GSTCD: variants seen among roughly 807,000 people sequenced by gnomAD.
The protein encoded by GSTCD is glutathione S-transferase C-terminal domain containing.
Under a neutral mutation model 68.3 loss-of-function variants are expected in GSTCD, and 44 were observed. The ratio of observed to expected loss-of-function variants is 0.64; its 90% CI spans 0.51 to 0.83. GSTCD has a LOEUF of 0.83. GSTCD is among the 40% of genes least tolerant of loss of function. The pLI is 0.00. For missense variants in GSTCD, 739 were observed against 735.9 expected, an observed-to-expected ratio of 1.00 and a Z score of -0.05; for synonymous variants, 273 against 255.2, an observed-to-expected ratio of 1.07 and a Z score of -0.67.
At chr4:105,816,682 C>T (rs575789432) in intron 5 of GSTCD, among the ~76,000 whole-genome samples, 112 of 152,038 alleles carry the variant, frequency 7.4e-4, no homozygotes, top group South Asian at 4.2e-3. Context: ...TTTCCTTGAA[C>T]GCACGCATAT....
chr4:105,806,915 G>T (rs1722524945), intron 5 of GSTCD, among the ~76,000 whole-genome samples: 1 of 151,918 alleles, frequency 6.6e-6, no homozygotes, highest in African/African-American at 2.4e-5. Flanking sequence ...TTTCTTATCA[G>T]TTATGCCAAT....
chr4:105,844,313 G>A (rs1042775678), intron 11 of GSTCD, among the ~76,000 whole-genome samples: 1 of 152,146 alleles, frequency 6.6e-6, no homozygotes, highest in African/African-American at 2.4e-5. Flanking sequence ...TAATGAAGAA[G>A]GGATGATTTT....
chr4:105,753,001 A>G (rs1734057912), intron 5 of GSTCD, among the ~76,000 whole-genome samples: 2 of 152,062 alleles, frequency 1.3e-5, no homozygotes, highest in Non-Finnish European at 2.9e-5. Context: ...CAGTTCCACT[A>G]TATTTCTAGC....
intron 5 of GSTCD, among the ~76,000 whole-genome samples, chr4:105,779,165 A>G (rs1025068470): frequency 3.3e-4 from 50 of 152,286 alleles, no homozygotes; most frequent in African/African-American, 1.2e-3. Context: ...TTTTACATGT[A>G]GTTGTCACAT....
chr4:105,832,092 A>G (rs910868149), intron 8 of GSTCD, among the ~76,000 whole-genome samples: 4 of 152,184 alleles, frequency 2.6e-5, no homozygotes, highest in Non-Finnish European at 5.9e-5. Context: ...TAAATCTCTA[A>G]TGCATTCAAA....
At chr4:105,741,578 C>T (rs764212881) in intron 5 of GSTCD, among the ~76,000 whole-genome samples, 16 of 152,062 alleles carry the variant, frequency 1.1e-4, no homozygotes, top group Non-Finnish European at 2.1e-4. Flanking sequence ...CATAATTCAT[C>T]GACTTGGAGA....
intron 5 of GSTCD, among the ~76,000 whole-genome samples, chr4:105,743,051 G>A (rs977724821): frequency 6.6e-5 from 10 of 151,136 alleles, no homozygotes; most frequent in Admixed American, 1.3e-4. Flanking sequence ...CCGGTTTGAC[G>A]CCATTCTCCT....
chr4:105,839,883 A>G (rs967342266), intron 10 of GSTCD, among the ~76,000 whole-genome samples: 4 of 152,192 alleles, frequency 2.6e-5, no homozygotes, highest in African/African-American at 9.6e-5. Context: ...CAGTAGGGAC[A>G]GGGCACACAG....
rs191238841 is a variant in GSTCD at position 105,833,388 on chromosome 4, G to A, written c.1531-1073G>A. On this transcript the variant is annotated intron_variant, in intron 8 of 11. Transcript: ENST00000515279. The stretch of plus-strand genomic sequence containing the variant: ...TGAGGCAGAAGAATTGCTTGAACCC[G>A]GGAGGCGGAGGTTGCAGTGAGCCGA... 4.2e-3 allele frequency among the ~76,000 whole-genome samples: 644 copies of A among 152,100 alleles called. 7 individuals are homozygous for A. The highest frequency in any genetic ancestry group is 0.015 in the African/African-American group (604 of 41,490).
intron 9 of GSTCD, among the ~76,000 whole-genome samples, chr4:105,835,635 T>A (rs1333536491): frequency 1.3e-5 from 2 of 152,016 alleles, no homozygotes; most frequent in Non-Finnish European, 2.9e-5. Flanking sequence ...TCTTCTCTCC[T>A]TCTCTCTTCT....
rs745723934 is a variant in GSTCD, at chr4:105,719,511, G to A, written c.878G>A (p.Cys293Tyr). ...CTGGCAGATATTGTGCTCTTGCCCT[G>A]TATCCATCATTTCTTGGTAAGGTTT... The part of the protein sequence containing the change: ...FTLADIVLLP[C>Y]IHHFLVIISR... Residue 293 changes from cysteine (C) to tyrosine (Y), a missense_variant, in exon 3 of 12, where the codon TGT (cysteine) becomes TAT (tyrosine). Transcript: ENST00000515279. The A allele has an allele frequency of 1.2e-6, 2 of 1,613,044 alleles. No individual in the cohort carries two copies. The highest frequency in any genetic ancestry group is 2.2e-5 in the East Asian group (1 of 44,880).
chr4:105,728,285 T>C (rs1351302093), intron 4 of GSTCD, among the ~76,000 whole-genome samples: 1 of 152,168 alleles, frequency 6.6e-6, no homozygotes, highest in Non-Finnish European at 1.5e-5. Context: ...ATAAATTATA[T>C]GGTATTAATA....
At chr4:105,721,152 T>A (rs182836379) in intron 3 of GSTCD, among the ~76,000 whole-genome samples, 1 of 151,982 alleles carries the variant, frequency 6.6e-6, no homozygotes, top group East Asian at 1.9e-4. Flanking sequence ...TTGTATTTTT[T>A]AAGTAGAGAT....
intron 5 of GSTCD, among the ~76,000 whole-genome samples, chr4:105,738,017 A>G (rs933746987): frequency 6.6e-6 from 1 of 152,164 alleles, no homozygotes; most frequent in East Asian, 1.9e-4. Flanking sequence ...CCCCCTTGCT[A>G]TGTGATGCCT....
At chr4:105,728,451 G>A (rs1733112555) in intron 4 of GSTCD, among the ~76,000 whole-genome samples, 1 of 152,104 alleles carries the variant, frequency 6.6e-6, no homozygotes. Flanking sequence ...TGTCTTTCTG[G>A]AGGCAAATCA....
intron 5 of GSTCD, among the ~76,000 whole-genome samples, chr4:105,809,841 T>A (rs1334015459): frequency 2.0e-5 from 3 of 152,034 alleles, no homozygotes; most frequent in Admixed American, 6.6e-5. Flanking sequence ...TGTCTCAAAG[T>A]ATACTGCAGT....
At chr4:105,780,009 G>T (rs1469426185) in intron 5 of GSTCD, among the ~76,000 whole-genome samples, 8 of 152,166 alleles carry the variant, frequency 5.3e-5, no homozygotes, top group African/African-American at 1.9e-4. Flanking sequence ...ACTACTGCCT[G>T]ATTACAAATC....
rs139174207 is a variant in GSTCD, at chr4:105,831,268, G to T, written c.1531-3193G>T. On this transcript the variant is annotated intron_variant, in intron 8 of 11. Transcript: ENST00000515279. ...TTCGAAAAGCAACACCGGAGAGAAT[G>T]ATTGGGCTGGGGCAAGTTTAGAGAT... Among the ~76,000 whole-genome samples, 337 of 152,320 alleles carry T rather than the reference G, an allele frequency of 2.2e-3. 1 individual carries two copies. The highest frequency in any genetic ancestry group is 7.7e-3 in the African/African-American group (322 of 41,576).
Position 105,845,847 on chromosome 4 carries a change from C to A in GSTCD, c.*270C>A. On this transcript the variant is annotated 3_prime_UTR_variant, in exon 12 of 12. Transcript: ENST00000515279. ...CAAAAGAATAATACTAGTGGAGGTTCCATCACAGGAATAACAATTTCCTTC... is the reference window on the plus strand; with the variant it reads ...CAAAAGAATAATACTAGTGGAGGTTACATCACAGGAATAACAATTTCCTTC... 2.7e-6 allele frequency: 1 copy of A among 372,032 alleles called. No homozygotes were observed. The highest frequency in any genetic ancestry group is 4.7e-5 in the South Asian group (1 of 21,076). The allele number at this position is 372,032 out of a possible 1,614,324, so 23.0% of individuals were successfully genotyped here.
Sources: gnomAD v4.1 joint callset for allele counts (sites outside exome capture counted in the v4.1 genomes callset) on GRCh38, gnomAD v4.1.1 for gene constraint, MANE v1.5 for transcripts, NCBI Gene and HGNC (gene_info 2026-07-23, HGNC 2026-07-21) for gene names.